Variants in HS2ST1 observed in about 807,000 individuals in gnomAD.
HS2ST1 encodes the protein 2-O-sulfotransferase.
A neutral mutation model predicts 42.9 loss-of-function variants in HS2ST1; 18 were observed. The observed-to-expected ratio is 0.42, with a 90% confidence interval of 0.29 to 0.62. The LOEUF is 0.62. Ranked by LOEUF, HS2ST1 falls within the 20% of genes least tolerant of loss-of-function variation. The pLI is 0.21. For synonymous variants in HS2ST1, 146 were observed against 152.9 expected (o/e 0.95, Z 0.33); for missense variants, 334 against 433.8 (o/e 0.77, Z 2.04).
At chr1:87,085,514 A>G (rs948141927) in intron 3 of HS2ST1, among the ~76,000 whole-genome samples, 1 of 152,230 alleles carries the variant, frequency 6.6e-6, no homozygotes, top group Non-Finnish European at 1.5e-5. Context: ...AAGATCTTTC[A>G]ATCAAATTGT....
At chr1:86,924,048 A>G (rs930723098) in intron 1 of HS2ST1, among the ~76,000 whole-genome samples, 4 of 152,224 alleles carry the variant, frequency 2.6e-5, no homozygotes, top group Non-Finnish European at 5.9e-5. Context: ...CAAGTTAGTT[A>G]CTTCCTAGAT....
intron 1 of HS2ST1, among the ~76,000 whole-genome samples, chr1:86,998,559 C>G (rs1649173049): frequency 6.6e-6 from 1 of 152,116 alleles, no homozygotes; most frequent in African/African-American, 2.4e-5. Context: ...TTCCTGTTCT[C>G]TTAGTGGAAT....
intron 3 of HS2ST1, among the ~76,000 whole-genome samples, chr1:87,086,740 C>G (rs2798677): frequency 0.69 from 105,514 of 151,954 alleles, 38,853 homozygotes; most frequent in East Asian, 0.94. Context: ...ACAAAAATAT[C>G]TTTTTTACAT....
At chr1:86,948,295 A>G (rs1647397410) in intron 1 of HS2ST1, among the ~76,000 whole-genome samples, 1 of 152,180 alleles carries the variant, frequency 6.6e-6, no homozygotes, top group Non-Finnish European at 1.5e-5. Flanking sequence ...TTATTTGTAT[A>G]GAGACTAGGT....
intron 1 of HS2ST1, among the ~76,000 whole-genome samples, chr1:86,948,302 A>G (rs988979160): frequency 4.6e-5 from 7 of 152,144 alleles, no homozygotes; most frequent in African/African-American, 1.7e-4. Context: ...TATAGAGACT[A>G]GGTCTTGCTA....
chr1:87,001,373 G>T (rs1189117848), intron 1 of HS2ST1, among the ~76,000 whole-genome samples: 1 of 152,084 alleles, frequency 6.6e-6, no homozygotes, highest in Non-Finnish European at 1.5e-5. Context: ...TGTTGTAGTG[G>T]TTGTTTTCCA....
At chr1:87,035,827 T>A (rs78916838) in intron 1 of HS2ST1, among the ~76,000 whole-genome samples, 5 of 151,426 alleles carry the variant, frequency 3.3e-5, no homozygotes, top group Admixed American at 6.6e-5. Context: ...TTTTTTTTTT[T>A]AATTATTACT....
chr1:86,914,991 G>A lies in HS2ST1; in HGVS notation c.-46G>A. The A allele has an allele frequency of 6.2e-7, 1 of 1,610,830 alleles. No homozygotes were observed. Among genetic ancestry groups the A allele is most frequent in the South Asian group, 1.1e-5 (1 of 90,996 alleles). ...GCGTCTCTCTCGCCTCCGGGGTCCCGCTCCCCGCCCCCCGCGGTATGTCTT... is the reference window on the plus strand; with the variant it reads ...GCGTCTCTCTCGCCTCCGGGGTCCCACTCCCCGCCCCCCGCGGTATGTCTT... On this transcript the variant is annotated 5_prime_UTR_variant, in exon 1 of 7. Transcript: ENST00000370550.
At chr1:86,933,674 G>C (rs1007745514) in intron 1 of HS2ST1, among the ~76,000 whole-genome samples, 2 of 150,394 alleles carry the variant, frequency 1.3e-5, no homozygotes, top group Non-Finnish European at 3.0e-5. Context: ...TGTCTTTTCA[G>C]ACTCTGTTTT....
At chr1:87,095,871 C>G (rs1010126616) in intron 4 of HS2ST1, among the ~76,000 whole-genome samples, 1 of 151,468 alleles carries the variant, frequency 6.6e-6, no homozygotes, top group Non-Finnish European at 1.5e-5. Flanking sequence ...ATGCACATAA[C>G]TATTTCTCCT....
intron 1 of HS2ST1, among the ~76,000 whole-genome samples, chr1:87,021,980 G>A (rs1029868713): frequency 8.5e-5 from 13 of 152,188 alleles, no homozygotes; most frequent in African/African-American, 3.1e-4. Flanking sequence ...AAGTAACACA[G>A]TATTGTACTT....
At chr1:87,097,586 G>A (rs1364395073) in intron 4 of HS2ST1, among the ~76,000 whole-genome samples, 1 of 152,072 alleles carries the variant, frequency 6.6e-6, no homozygotes. Flanking sequence ...GAGAGATGGG[G>A]TTTCACCATG....
intron 3 of HS2ST1, among the ~76,000 whole-genome samples, chr1:87,090,304 C>T (rs1001900348): frequency 1.3e-5 from 2 of 151,906 alleles, no homozygotes; most frequent in African/African-American, 4.8e-5. Flanking sequence ...TGGTCCCTGC[C>T]CCGGTGGAAC....
chr1:87,010,756 CTGTTTTGTTTTGTTTTGTTT>C (rs56184842), intron 1 of HS2ST1, among the ~76,000 whole-genome samples: 4,470 of 149,650 alleles, frequency 0.03, 109 homozygotes, highest in African/African-American at 0.054. Context: ...ATAGATTTTA[CTGTTTTGTTTTGTTTTGTTT>C]TGTTTTGTTT....
chr1:86,944,593 G>A (rs1647273294), intron 1 of HS2ST1, among the ~76,000 whole-genome samples: 1 of 152,056 alleles, frequency 6.6e-6, no homozygotes, highest in African/African-American at 2.4e-5. Flanking sequence ...GACCTCAAGT[G>A]ATCCACCACC....
chr1:87,062,821 T>A (rs2100624732), intron 1 of HS2ST1, among the ~76,000 whole-genome samples: 1 of 152,332 alleles, frequency 6.6e-6, no homozygotes, highest in Admixed American at 6.5e-5. Flanking sequence ...TTATTTTATT[T>A]CAGCACTTGA....
rs79305922 is a variant in HS2ST1 at position 87,072,380 on chromosome 1, T to C, written c.125-554T>C. 7.5e-3 allele frequency among the ~76,000 whole-genome samples: 1,145 copies of C among 152,338 alleles called. 46 individuals are homozygous for C. In the East Asian group the frequency reaches 0.14, roughly 18 times the overall value. On this transcript the variant is annotated intron_variant, in intron 1 of 6. Transcript: ENST00000370550. Reference sequence around the variant, plus strand: ...TTTATAATCACTGTCCTGCTACATTTTTATAAACCAGAGAATAACTAAATC... The same window carrying C: ...TTTATAATCACTGTCCTGCTACATTCTTATAAACCAGAGAATAACTAAATC...
intron 1 of HS2ST1, among the ~76,000 whole-genome samples, chr1:87,012,202 T>G (rs1336922402): frequency 1.3e-5 from 2 of 152,174 alleles, no homozygotes; most frequent in Admixed American, 6.5e-5. Flanking sequence ...TCTATCACTG[T>G]CAATATTTGT....
chr1:87,096,465 A>G (rs977100134), intron 4 of HS2ST1, among the ~76,000 whole-genome samples: 4 of 144,810 alleles, frequency 2.8e-5, no homozygotes, highest in Non-Finnish European at 4.6e-5. Context: ...AAAGTCTTTA[A>G]GTATTGGGAG....
Sources: allele counts gnomAD v4.1 joint callset (sites outside exome capture counted in the v4.1 genomes callset), GRCh38; gene constraint gnomAD v4.1.1; transcripts MANE v1.5; gene names NCBI Gene and HGNC (gene_info 2026-07-23, HGNC 2026-07-21).